Variants in FYB1 observed in about 807,000 individuals in gnomAD.
The protein encoded by FYB1 is FYN binding protein 1.
FYB1 carries 41 observed loss-of-function variants against 94.1 expected under a neutral mutation model. That is an observed-to-expected ratio of 0.44 (90% CI 0.34 to 0.57). FYB1 has a LOEUF of 0.57. Ranked by LOEUF, FYB1 falls within the 20% of genes least tolerant of loss-of-function variation. The pLI, the probability that FYB1 is intolerant of heterozygous loss-of-function variation, is 0.02. For missense variants in FYB1, 1,050 were observed against 976.8 expected, an observed-to-expected ratio of 1.07 and a Z score of -1.00; for synonymous variants, 367 against 353.2, an observed-to-expected ratio of 1.04 and a Z score of -0.44.
chr5:39,244,010 GA>G (rs1751343793), intron 1 of FYB1, among the ~76,000 whole-genome samples: 1 of 152,192 alleles, frequency 6.6e-6, no homozygotes, highest in Non-Finnish European at 1.5e-5. Context: ...AGACTTTGCT[GA>G]AGTTGCTTAT....
chr5:39,226,759 G>A (rs980695012), intron 1 of FYB1, among the ~76,000 whole-genome samples: 1 of 152,206 alleles, frequency 6.6e-6, no homozygotes, highest in Non-Finnish European at 1.5e-5. Flanking sequence ...TTAAAGTGCA[G>A]ATTCCAGATT....
Position 39,141,144 on chromosome 5 carries a change from GA to G in FYB1, c.1293-4del. 6.3e-7 allele frequency: 1 copy of G among 1,584,250 alleles called. No individual in the cohort carries two copies. Among genetic ancestry groups the G allele is most frequent in the South Asian group, 1.1e-5 (1 of 87,098 alleles). ...GATTGTCTTCATTGACAGGGCTTCTGAAAACGAGAAAGAAGAAACAGTGAAC... is the reference window on the plus strand; with the variant it reads ...GATTGTCTTCATTGACAGGGCTTCTGAAACGAGAAAGAAGAAACAGTGAAC... On this transcript the variant is annotated splice_polypyrimidine_tract_variant and splice_region_variant and intron_variant, in intron 3 of 18. Coordinates refer to ENST00000512982, the MANE Select transcript of FYB1 (RefSeq NM_001465.6).
intron 4 of FYB1, among the ~76,000 whole-genome samples, chr5:39,140,882 A>G (rs1322743139): frequency 6.6e-6 from 1 of 152,240 alleles, no homozygotes; most frequent in Non-Finnish European, 1.5e-5. Flanking sequence ...ACACACATAC[A>G]CATTAAATAT....
rs1752367790 is a variant in FYB1 at position 39,265,026 on chromosome 5, T to G, written c.-28+9377A>C. ...CTGGACCAGCAGCGTCAGCCTCATC[T>G]GAGAACTTATTAGAAATGCACATTT... On this transcript the variant is annotated intron_variant, in intron 1 of 1. Transcript: ENST00000510188. 2.6e-5 allele frequency among the ~76,000 whole-genome samples: 4 copies of G among 152,232 alleles called. No individual in the cohort carries two copies. In the South Asian group the frequency reaches 8.3e-4, roughly 32 times the overall value.
intron 3 of FYB1, among the ~76,000 whole-genome samples, chr5:39,152,788 T>A (rs1743358871): frequency 6.6e-6 from 1 of 152,216 alleles, no homozygotes. Flanking sequence ...GTTTCCTAGA[T>A]GTTAACGCCC....
intron 2 of FYB1, chr5:39,169,907 T>C: frequency 1.6e-6 from 1 of 613,266 alleles, no homozygotes; most frequent in Non-Finnish European, 3.1e-6. Flanking sequence ...TCCTTTTTGA[T>C]TTCCACCCTC....
intron 1 of FYB1, among the ~76,000 whole-genome samples, chr5:39,204,220 C>G (rs1391228207): frequency 6.6e-6 from 1 of 152,148 alleles, no homozygotes; most frequent in Non-Finnish European, 1.5e-5. Context: ...GCTATTTCCT[C>G]TTAGAGTGAT....
intron 2 of FYB1, among the ~76,000 whole-genome samples, chr5:39,195,426 G>A (rs765305542): frequency 6.6e-6 from 1 of 152,228 alleles, no homozygotes; most frequent in Non-Finnish European, 1.5e-5. Flanking sequence ...TAGCTTTGGG[G>A]CCTGTGAAGG....
chr5:39,255,720 A>G (rs995004424), intron 1 of FYB1, among the ~76,000 whole-genome samples: 1 of 152,200 alleles, frequency 6.6e-6, no homozygotes, highest in Admixed American at 6.5e-5. Context: ...AAGGGAAACT[A>G]TCTGAACTGC....
At position 39,202,367 on chromosome 5, in the gene FYB1, A is replaced by G; in HGVS notation, c.594T>C (p.Phe198=). The part of the protein sequence containing the change: ...EPKPLFPKPA[F]GQKPPLSTEN... ...CGGTACTTAGGGGCGGCTTCTGGCC[A>G]AAGGCGGGTTTGGGGAAGAGGGGCT... is the stretch of plus-strand genomic sequence containing the variant. The change falls in exon 2 of 19, where the codon TTT becomes TTC. Residue 198 remains phenylalanine (F), a synonymous_variant. Transcript: ENST00000512982. 6.2e-7 allele frequency: 1 copy of G among 1,613,966 alleles called. No homozygotes were observed. The highest frequency in any genetic ancestry group is 1.1e-5 in the South Asian group (1 of 91,072).
At chr5:39,201,732 G>T in intron 2 of FYB1, 94 bp downstream of exon 2, 1 of 1,134,262 alleles carries the variant, frequency 8.8e-7, no homozygotes, top group Non-Finnish European at 1.2e-6. Flanking sequence ...CAGATATAGA[G>T]AATCATTCCT....
At chr5:39,172,652 A>G (rs1745353595) in intron 2 of FYB1, among the ~76,000 whole-genome samples, 1 of 151,872 alleles carries the variant, frequency 6.6e-6, no homozygotes, top group Non-Finnish European at 1.5e-5. Flanking sequence ...CTTTACATTC[A>G]TGTGTATTCA....
intron 2 of FYB1, among the ~76,000 whole-genome samples, chr5:39,185,706 C>A (rs1746718933): frequency 6.6e-6 from 1 of 150,746 alleles, no homozygotes; most frequent in Admixed American, 6.6e-5. Context: ...TGTTAGAAAC[C>A]ATGAGGAATC....
chr5:39,253,471 T>TA (rs909018627), intron 1 of FYB1, among the ~76,000 whole-genome samples: 4 of 151,968 alleles, frequency 2.6e-5, no homozygotes, highest in African/African-American at 7.3e-5. Context: ...ATCTTTTTTT[T>TA]AAAAAAAATA....
intron 2 of FYB1, among the ~76,000 whole-genome samples, chr5:39,157,056 C>T (rs1184911641): frequency 6.6e-6 from 1 of 152,086 alleles, no homozygotes; most frequent in Non-Finnish European, 1.5e-5. Context: ...TGTATAACAG[C>T]CCTATGGGGG....
rs750204135 is a variant in FYB1, at chr5:39,202,313, C to T, written c.648G>A (p.Met216Ile). 10 of 1,613,832 alleles carry T rather than the reference C, an allele frequency of 6.2e-6. No homozygotes were observed. Among genetic ancestry groups the T allele is most frequent in the Middle Eastern group, 1.7e-4 (1 of 6,052 alleles). Residue 216 changes from methionine (M) to isoleucine (I), a missense_variant, in exon 2 of 19, where the codon ATG (methionine) becomes ATA (isoleucine). By Grantham distance (10) the Met-to-Ile change is conservative. Coordinates refer to ENST00000512982, the MANE Select transcript of FYB1 (RefSeq NM_001465.6). ...ACCCTTTTGATGAAGACACATTCTT[C>T]ATGGGGCTTTCGTCTTCATGGGAGT... is the stretch of plus-strand genomic sequence containing the variant. Reference protein sequence around the residue: ...TENSHEDESPMKNVSSSKGSP... With the variant: ...TENSHEDESPIKNVSSSKGSP...
rs189060918 is a variant in FYB1 at position 39,105,253 on chromosome 5, T to A, written c.*2190A>T. The A allele has an allele frequency of 7.5e-4, 114 of 152,220 alleles. No homozygotes were observed. The highest frequency in any genetic ancestry group is 2.6e-3 in the African/African-American group (109 of 41,538). The allele number at this position is 152,220 out of a possible 1,614,324, so 9.4% of individuals were successfully genotyped here. A position where few individuals can be genotyped will look rare whatever the true frequency, so the allele number is the denominator to read the frequency against. On this transcript the variant is annotated 3_prime_UTR_variant, in exon 19 of 19. Coordinates refer to ENST00000512982, the MANE Select transcript of FYB1 (RefSeq NM_001465.6). ...TTTTTAATGAAGTAGGAGGCAAGGT[T>A]ATCCATTGAAGGTATTATTTATTTG...
chr5:39,222,191 A>G (rs1200727640), upstream of FYB1, among the ~76,000 whole-genome samples: 3 of 152,062 alleles, frequency 2.0e-5, no homozygotes, highest in Non-Finnish European at 2.9e-5. Context: ...TTTGTCCCAC[A>G]AGACTGGGTA....
upstream of FYB1, among the ~76,000 whole-genome samples, chr5:39,222,764 A>G (rs777830820): frequency 3.9e-5 from 6 of 152,232 alleles, no homozygotes; most frequent in Non-Finnish European, 8.8e-5. Flanking sequence ...TTATTATTAC[A>G]TAATAATAAA....
Sources: allele counts gnomAD v4.1 joint callset (sites outside exome capture counted in the v4.1 genomes callset), GRCh38; gene constraint gnomAD v4.1.1; transcripts MANE v1.5; gene names NCBI Gene and HGNC (gene_info 2026-07-23, HGNC 2026-07-21).